The following GRIK4 variants were observed in gnomAD, a reference collection of about 807,000 sequenced individuals.
GRIK4 encodes glutamate receptor ionotropic, kainate 4.
GRIK4 carries 40 observed loss-of-function variants against 104.9 expected under a neutral mutation model. The observed-to-expected ratio is 0.38, with a 90% CI of 0.30 to 0.50. The LOEUF is 0.50. GRIK4 is among the 20% of genes least tolerant of loss of function. The pLI, the probability that GRIK4 is intolerant of heterozygous loss-of-function variation, is 0.93. For missense variants in GRIK4, 1,047 were observed against 1,308.1 expected, an observed-to-expected ratio of 0.80 and a Z score of 3.08; for synonymous variants, 485 against 524.9, an observed-to-expected ratio of 0.92 and a Z score of 1.04.
At chr11:120,705,645 G>A (rs781204298) in intron 3 of GRIK4, among the ~76,000 whole-genome samples, 3 of 152,142 alleles carry the variant, frequency 2.0e-5, no homozygotes, top group Non-Finnish European at 2.9e-5. Context: ...CCATGAAAAC[G>A]AAATGTCTTT....
At chr11:120,863,534 ATGAG>A (rs574847736) in intron 9 of GRIK4, among the ~76,000 whole-genome samples, 2 of 152,244 alleles carry the variant, frequency 1.3e-5, no homozygotes, top group African/African-American at 2.4e-5. Context: ...TGTTGAATGA[ATGAG>A]TGAGTGAGTG....
At chr11:120,541,099 G>A (rs1253451999) in intron 1 of GRIK4, among the ~76,000 whole-genome samples, 1 of 152,230 alleles carries the variant, frequency 6.6e-6, no homozygotes. Flanking sequence ...GGACTGAGGC[G>A]CAGCTACCGG....
intron 9 of GRIK4, among the ~76,000 whole-genome samples, chr11:120,864,205 TTTTA>T (rs140150638): frequency 0.68 from 93,860 of 137,582 alleles, 32,425 homozygotes; most frequent in Non-Finnish European, 0.71. Flanking sequence ...GTATTTTTAT[TTTTA>T]TTTATTTATT....
chr11:120,591,874 G>A (rs1373410479), intron 1 of GRIK4, among the ~76,000 whole-genome samples: 1 of 152,110 alleles, frequency 6.6e-6, no homozygotes, highest in Non-Finnish European at 1.5e-5. Flanking sequence ...TTCTGTATTT[G>A]CATCGGCACA....
intron 12 of GRIK4, among the ~76,000 whole-genome samples, chr11:120,899,198 C>G (rs1327350895): frequency 6.6e-6 from 1 of 152,080 alleles, no homozygotes; most frequent in Non-Finnish European, 1.5e-5. Flanking sequence ...GGGAAGATCA[C>G]TTGAGGCCAG....
chr11:120,924,290 T>A (rs1943291648), intron 13 of GRIK4, among the ~76,000 whole-genome samples: 1 of 152,054 alleles, frequency 6.6e-6, no homozygotes, highest in Non-Finnish European at 1.5e-5. Flanking sequence ...GTGTGTGAGG[T>A]CACCGCTGTA....
chr11:120,595,504 T>C (rs1948789166), intron 1 of GRIK4, among the ~76,000 whole-genome samples: 1 of 152,250 alleles, frequency 6.6e-6, no homozygotes, highest in African/African-American at 2.4e-5. Flanking sequence ...GCTCACCACC[T>C]GTTTACTGAC....
chr11:120,931,559 G>C (rs1943482037), intron 13 of GRIK4, among the ~76,000 whole-genome samples: 1 of 152,176 alleles, frequency 6.6e-6, no homozygotes, highest in Non-Finnish European at 1.5e-5. Flanking sequence ...AATTACGTGG[G>C]TTTGAATCCT....
Position 120,885,604 on chromosome 11 carries a change from C to T in GRIK4, c.1164+10361C>T, listed in dbSNP as rs573983178. Among the ~76,000 whole-genome samples the T allele has an allele frequency of 9.9e-5, 15 of 152,224 alleles. No individual in the cohort carries two copies. In the South Asian group the frequency reaches 2.7e-3, roughly 27 times the overall value. Reference sequence around the variant, plus strand: ...TTTGCCATGTTGGTCAGGCTGATCTCGAACTCCTGACCTCAGGTCACCTGC... The same window carrying T: ...TTTGCCATGTTGGTCAGGCTGATCTTGAACTCCTGACCTCAGGTCACCTGC... On this transcript the variant is annotated intron_variant, in intron 11 of 20. Transcript: ENST00000527524.
At chr11:120,857,858 C>A (rs941152107) in intron 8 of GRIK4, among the ~76,000 whole-genome samples, 2 of 152,146 alleles carry the variant, frequency 1.3e-5, no homozygotes. Flanking sequence ...AACACACAGC[C>A]CCCTGTAGAG....
At chr11:120,712,807 A>C (rs1485469254) in intron 3 of GRIK4, among the ~76,000 whole-genome samples, 2 of 152,004 alleles carry the variant, frequency 1.3e-5, no homozygotes, top group Non-Finnish European at 2.9e-5. Context: ...CCCTTTATAC[A>C]CTTGAAGTTA....
chr11:120,758,980 G>A (rs1231653327), intron 3 of GRIK4, among the ~76,000 whole-genome samples: 20 of 152,172 alleles, frequency 1.3e-4, no homozygotes, highest in Admixed American at 1.3e-3. Context: ...AGGGAAGGCA[G>A]GGATAAACAC....
intron 3 of GRIK4, among the ~76,000 whole-genome samples, chr11:120,746,409 G>T (rs537060980): frequency 6.6e-6 from 1 of 152,156 alleles, no homozygotes; most frequent in African/African-American, 2.4e-5. Context: ...TACGGTGTGG[G>T]ACAGGTAGGT....
chr11:120,627,671 AG>A, intron 1 of GRIK4, among the ~76,000 whole-genome samples: 1 of 152,294 alleles, frequency 6.6e-6, no homozygotes. Flanking sequence ...GAAGGGCCTA[AG>A]GGCAGGATGA....
At chr11:120,580,517 T>G (rs1204717443) in intron 1 of GRIK4, among the ~76,000 whole-genome samples, 2 of 152,008 alleles carry the variant, frequency 1.3e-5, no homozygotes, top group Non-Finnish European at 2.9e-5. Flanking sequence ...CTCAGTGATC[T>G]GTTCTTACCA....
In GRIK4 at chr11:120,775,043, C is replaced by G. The variant is rs560613607; in HGVS notation, c.83-27650C>G. Among the ~76,000 whole-genome samples the G allele has an allele frequency of 3.9e-4, 59 of 152,272 alleles. 1 individual carries two copies. The highest frequency in any genetic ancestry group is 1.4e-3 in the African/African-American group (59 of 41,544). ...CACCCAGCAATCCTTCCTTCCCTTC[C>G]CCTCCTCTGCCCTTGGCATCCCAGA... On this transcript the variant is annotated intron_variant, in intron 3 of 20. Transcript: ENST00000527524.
At chr11:120,931,509 T>A (rs1943481306) in intron 13 of GRIK4, among the ~76,000 whole-genome samples, 2 of 152,198 alleles carry the variant, frequency 1.3e-5, no homozygotes, top group Admixed American at 6.5e-5. Context: ...CTAGAGCCGA[T>A]TGAATGTGCT....
Position 120,986,377 on chromosome 11 carries a change from G to A in GRIK4, c.*117G>A, listed in dbSNP as rs1246177703. 3.2e-6 allele frequency: 4 copies of A among 1,268,950 alleles called. No individual in the cohort carries two copies. Among genetic ancestry groups the A allele is most frequent in the Admixed American group, 3.8e-5 (1 of 26,548 alleles). The allele number at this position is 1,268,950 out of a possible 1,614,324, so 78.6% of individuals were successfully genotyped here. A position where few individuals can be genotyped will look rare whatever the true frequency, so the allele number is the denominator to read the frequency against. ...CAGCGTCGACACCTCTCCAGATTTC[G>A]GATCCAGTCACTTTTCAAAAAGATC... On this transcript the variant is annotated 3_prime_UTR_variant, in exon 21 of 21. Transcript: ENST00000527524.
intron 3 of GRIK4, among the ~76,000 whole-genome samples, chr11:120,689,151 A>G (rs1287478280): frequency 6.6e-6 from 1 of 152,116 alleles, no homozygotes; most frequent in Non-Finnish European, 1.5e-5. Context: ...GGCAGAAGGA[A>G]CAGGTTGAGG....
Sources: allele counts gnomAD v4.1 joint callset (sites outside exome capture counted in the v4.1 genomes callset), GRCh38; gene constraint gnomAD v4.1.1; transcripts MANE v1.5; gene names NCBI Gene and HGNC (gene_info 2026-07-23, HGNC 2026-07-21).